ARHGAP18: variants seen among roughly 807,000 people sequenced by gnomAD.
ARHGAP18 encodes rho GTPase-activating protein 18.
A neutral mutation model predicts 86.2 loss-of-function variants in ARHGAP18; 67 were observed. That is an observed-to-expected ratio of 0.78 (90% CI 0.64 to 0.95). The LOEUF is 0.95. Among genes scored for constraint, ARHGAP18 ranks in the 40% least tolerant of loss-of-function variants. The probability of loss-of-function intolerance (pLI) is 0.00; values close to 1 mark genes in which losing one functional copy is unlikely to be tolerated. For missense variants in ARHGAP18, 691 were observed against 780.4 expected (o/e 0.89, Z 1.37); for synonymous variants, 283 against 280.4 (o/e 1.01, Z -0.09).
chr6:129,687,605 G>A (rs1243378021), intron 1 of ARHGAP18, among the ~76,000 whole-genome samples: 1 of 152,190 alleles, frequency 6.6e-6, no homozygotes, highest in Non-Finnish European at 1.5e-5. Context: ...CAGACAGGAA[G>A]TGGCAACAAT....
intron 1 of ARHGAP18, among the ~76,000 whole-genome samples, chr6:129,684,765 T>C (rs1432710739): frequency 2.6e-5 from 4 of 152,222 alleles, no homozygotes; most frequent in Non-Finnish European, 5.9e-5. Flanking sequence ...GACCATACTT[T>C]ACCCAAATCA....
chr6:129,683,692 T>G (rs552501759), intron 1 of ARHGAP18, among the ~76,000 whole-genome samples: 1 of 152,342 alleles, frequency 6.6e-6, no homozygotes, highest in African/African-American at 2.4e-5. Flanking sequence ...AATCTTTCCT[T>G]ATTTCACAAT....
chr6:129,606,384 T>C (rs933394935), intron 9 of ARHGAP18, among the ~76,000 whole-genome samples: 3 of 152,150 alleles, frequency 2.0e-5, no homozygotes, highest in Admixed American at 1.3e-4. Flanking sequence ...AGTCCATCAG[T>C]TCCAACAGGA....
chr6:129,668,377 C>T lies in ARHGAP18; in HGVS notation c.114-26359G>A, dbSNP rs866323978. Among the ~76,000 whole-genome samples the T allele has an allele frequency of 4.5e-3, 669 of 149,810 alleles. 9 individuals are homozygous for T. Among genetic ancestry groups the T allele is most frequent in the African/African-American group, 0.016 (638 of 41,064 alleles). ...ACCCAAATAATCACACACACACACA[C>T]ACACACACACACACACACACACAGA... On this transcript the variant is annotated intron_variant, in intron 1 of 14. Transcript: ENST00000368149.
rs577070164 is a variant in ARHGAP18 at position 129,608,064 on chromosome 6, GA to G, written c.1123-13del. ...TCTTGGCAAAGATTCTGATAGGCAC[GA>G]AAAAAAAAAAAAAAAAAAAAAGAAG... On this transcript the variant is annotated splice_polypyrimidine_tract_variant and intron_variant, in intron 8 of 14. Transcript: ENST00000368149. 0.22 allele frequency: 208,193 copies of G among 964,582 alleles called. 1,074 individuals carry two copies. The highest frequency in any genetic ancestry group is 0.23 in the African/African-American group (9,691 of 43,054). The allele number at this position is 964,582 out of a possible 1,614,324, so 59.8% of individuals were successfully genotyped here. A position where few individuals can be genotyped will look rare whatever the true frequency, so the allele number is the denominator to read the frequency against.
intron 5 of ARHGAP18, among the ~76,000 whole-genome samples, chr6:129,624,560 T>C (rs1355350391): frequency 6.6e-6 from 1 of 151,946 alleles, no homozygotes; most frequent in East Asian, 1.9e-4. Context: ...ATACTTTTCC[T>C]GAGGATAGTC....
chr6:129,626,637 T>C (rs1789478676), intron 5 of ARHGAP18, among the ~76,000 whole-genome samples: 1 of 146,926 alleles, frequency 6.8e-6, no homozygotes, highest in Non-Finnish European at 1.5e-5. Context: ...CTGTATAAAA[T>C]CCCTTTTAGG....
At position 129,599,488 on chromosome 6, in the gene ARHGAP18, C is replaced by T. The variant is rs541194328; in HGVS notation, c.1573-132G>A. 1.9e-4 allele frequency: 143 copies of T among 749,548 alleles called. No individual in the cohort carries two copies. The African/African-American group carries it at 2.3e-3, about 12-fold the overall frequency. The allele number at this position is 749,548 out of a possible 1,614,324, so 46.4% of individuals were successfully genotyped here. ...TCTTTTTGATAAGACTGCCATTTTA[C>T]ATGCACTATTCATTAAATCTGTGAA... On this transcript the variant is annotated intron_variant, in intron 11 of 14. Transcript: ENST00000368149.
chr6:129,667,388 CA>C (rs1348740539), intron 1 of ARHGAP18, among the ~76,000 whole-genome samples: 3 of 151,092 alleles, frequency 2.0e-5, no homozygotes, highest in African/African-American at 7.3e-5. Flanking sequence ...GCTTTCTGCA[CA>C]AAGCATTCAA....
Position 129,691,213 on chromosome 6 carries a change from A to T in ARHGAP18, c.113+18811T>A, listed in dbSNP as rs147896932. Among the ~76,000 whole-genome samples, 90 of 152,330 alleles carry T rather than the reference A, an allele frequency of 5.9e-4. 3 individuals are homozygous for T. The East Asian group carries it at 0.017, about 29-fold the overall frequency. ...CCAAACAGTCACCTCCAACATAAAC[A>T]CACACTTTCCCTAACCTTATGCCTT... is the stretch of plus-strand genomic sequence containing the variant. On this transcript the variant is annotated intron_variant, in intron 1 of 14. Transcript: ENST00000368149.
At chr6:129,661,993 G>C in intron 1 of ARHGAP18, 6 of 756,600 alleles carry the variant, frequency 7.9e-6, no homozygotes, top group African/African-American at 2.0e-5. Context: ...CACACACACA[G>C]AACACAAAGC....
At chr6:129,673,231 A>G (rs1322244061) in intron 1 of ARHGAP18, among the ~76,000 whole-genome samples, 1 of 152,162 alleles carries the variant, frequency 6.6e-6, no homozygotes, top group Non-Finnish European at 1.5e-5. Context: ...ACGTATTTTC[A>G]TACTACATGG....
intron 12 of ARHGAP18, 23 bp from the exon 13 acceptor site, chr6:129,584,135 G>C (rs1788344590): frequency 5.0e-6 from 8 of 1,612,708 alleles, no homozygotes; most frequent in Non-Finnish European, 6.8e-6. Context: ...AATGACACTG[G>C]AACAAAGCTG....
intron 12 of ARHGAP18, among the ~76,000 whole-genome samples, chr6:129,593,164 T>TA (rs1788551503): frequency 6.6e-6 from 1 of 152,106 alleles, no homozygotes; most frequent in African/African-American, 2.4e-5. Flanking sequence ...TGTTTTGTTC[T>TA]AAAATAATAT....
rs1584035394 is a variant in ARHGAP18, at chr6:129,601,071, G to A, written c.1366-223C>T. ...AAGGACCATGGTGCTGGGGAATGAA[G>A]CAGAGATGGCACATAGCTGAACTAG... On this transcript the variant is annotated intron_variant, in intron 10 of 14. Coordinates refer to ENST00000368149, the MANE Select transcript of ARHGAP18 (RefSeq NM_033515.3). Among the ~76,000 whole-genome samples, 3 of 152,210 alleles carry A rather than the reference G, an allele frequency of 2.0e-5. No homozygotes were observed. The East Asian group carries it at 5.8e-4, about 29-fold the overall frequency.
At chr6:129,686,871 A>C (rs1584114090) in intron 1 of ARHGAP18, among the ~76,000 whole-genome samples, 1 of 145,390 alleles carries the variant, frequency 6.9e-6, no homozygotes, top group African/African-American at 2.6e-5. Flanking sequence ...GATCACTGCA[A>C]CCTCCACCTC....
chr6:129,584,158 A>T, intron 12 of ARHGAP18, 46 bp from the exon 13 acceptor site: 1 of 1,610,970 alleles, frequency 6.2e-7, no homozygotes, highest in East Asian at 2.2e-5. Flanking sequence ...AGCAGCTGGA[A>T]CGTGTAACTC....
chr6:129,652,738 T>C (rs1773741070), intron 1 of ARHGAP18, among the ~76,000 whole-genome samples: 1 of 152,210 alleles, frequency 6.6e-6, no homozygotes, highest in Admixed American at 6.5e-5. Context: ...GCTGACTCAC[T>C]ACAGATTTAT....
chr6:129,579,735 T>TAA (rs916919308), intron 14 of ARHGAP18, among the ~76,000 whole-genome samples: 1 of 152,232 alleles, frequency 6.6e-6, no homozygotes, highest in African/African-American at 2.4e-5. Context: ...TAGCCTTATA[T>TAA]AAGCTCAACT....
Sources: gnomAD v4.1 joint callset for allele counts (sites outside exome capture counted in the v4.1 genomes callset) on GRCh38, gnomAD v4.1.1 for gene constraint, MANE v1.5 for transcripts, NCBI Gene and HGNC (gene_info 2026-07-23, HGNC 2026-07-21) for gene names.